Variants in CC2D2B observed in about 807,000 individuals in gnomAD.
CC2D2B encodes protein CC2D2B.
A neutral mutation model predicts 161.2 loss-of-function variants in CC2D2B; 128 were observed. The observed-to-expected ratio is 0.79, with a 90% CI of 0.69 to 0.92. CC2D2B has a LOEUF of 0.92. Ranked by LOEUF, CC2D2B falls within the 40% of genes least tolerant of loss-of-function variation. The pLI is 0.00. For synonymous variants in CC2D2B, 391 were observed against 449.8 expected (o/e 0.87, Z 1.65); for missense variants, 1,173 against 1,375.1 (o/e 0.85, Z 2.32).
chr10:95,969,026 T>C, intron 15 of CC2D2B, 125 bp downstream of exon 15: 1 of 403,044 alleles, frequency 2.5e-6, no homozygotes, highest in Non-Finnish European at 4.3e-6. Flanking sequence ...GATCTTTATG[T>C]GTAGATGATA....
intron 11 of CC2D2B, among the ~76,000 whole-genome samples, chr10:95,957,843 G>A (rs1366324719): frequency 6.7e-6 from 1 of 150,118 alleles, no homozygotes; most frequent in African/African-American, 2.5e-5. Flanking sequence ...TTACAGGTGT[G>A]AGCCACCACA....
At chr10:95,952,737 T>G (rs969634509) in intron 10 of CC2D2B, among the ~76,000 whole-genome samples, 3 of 152,134 alleles carry the variant, frequency 2.0e-5, no homozygotes, top group African/African-American at 7.2e-5. Flanking sequence ...TATATATATA[T>G]AAGTCCATAA....
rs2079083255 is a variant in CC2D2B at position 96,013,720 on chromosome 10, G to A, written c.3427-68G>A. On this transcript the variant is annotated intron_variant, in intron 28 of 34. Transcript: ENST00000646931. ...TAGATTATATGCTAAATGAGAGAGT[G>A]CATGTAAAGCATTGTGCTAAGTGAT... 13 of 820,752 alleles carry A rather than the reference G, an allele frequency of 1.6e-5. No individual in the cohort carries two copies. The South Asian group carries it at 1.8e-4, about 11-fold the overall frequency. The allele number at this position is 820,752 out of a possible 1,614,324, so 50.8% of individuals were successfully genotyped here.
chr10:95,966,056 T>C, intron 13 of CC2D2B, 58 bp downstream of exon 13: 5 of 776,732 alleles, frequency 6.4e-6, no homozygotes, highest in Non-Finnish European at 8.7e-6. Flanking sequence ...TATTTTTTGA[T>C]AGAATGTGAA....
chr10:95,976,066 T>C (rs1175674187), intron 17 of CC2D2B, among the ~76,000 whole-genome samples: 1 of 152,194 alleles, frequency 6.6e-6, no homozygotes, highest in Non-Finnish European at 1.5e-5. Context: ...CGCATTTATA[T>C]CTTTTTCTTC....
At chr10:95,993,900 ATGTGTGTGTGTGTGTG>A (rs1270650458) in intron 22 of CC2D2B, among the ~76,000 whole-genome samples, 1 of 40,078 alleles carries the variant, frequency 2.5e-5, no homozygotes, top group Non-Finnish European at 5.3e-5. Flanking sequence ...GAGAGAGAGA[ATGTGTGTGTGTGTGTG>A]TGTGTGTGTG....
chr10:95,917,925 AC>A (rs1364930561), intron 2 of CC2D2B, among the ~76,000 whole-genome samples: 1 of 152,030 alleles, frequency 6.6e-6, no homozygotes, highest in African/African-American at 2.4e-5. Flanking sequence ...ACAGACGCAC[AC>A]CACCACACCT....
At chr10:95,993,813 T>TATAG (rs1554844775) in intron 22 of CC2D2B, among the ~76,000 whole-genome samples, 14 of 138,876 alleles carry the variant, frequency 1.0e-4, no homozygotes, top group African/African-American at 3.2e-4. Context: ...AGAATATATA[T>TATAG]AGAGTGTATA....
At chr10:95,977,453 T>C (rs1041855984) in intron 17 of CC2D2B, among the ~76,000 whole-genome samples, 1 of 152,224 alleles carries the variant, frequency 6.6e-6, no homozygotes, top group Non-Finnish European at 1.5e-5. Flanking sequence ...GATCGTTGTC[T>C]AGAGTTTTCA....
intron 17 of CC2D2B, among the ~76,000 whole-genome samples, chr10:95,976,716 G>A (rs2077327679): frequency 1.3e-5 from 2 of 152,328 alleles, no homozygotes; most frequent in South Asian, 2.1e-4. Context: ...TGTAGATAAA[G>A]TAGTGAACCG....
intron 19 of CC2D2B, 112 bp downstream of exon 19, chr10:95,983,921 A>G (rs1475128713): frequency 4.2e-6 from 2 of 472,244 alleles, no homozygotes; most frequent in Admixed American, 4.4e-5. Context: ...CTGTAGACAG[A>G]TTTCCTCCCT....
chr10:96,019,355 A>G lies in CC2D2B; in HGVS notation c.3765+18A>G, dbSNP rs771688933. On this transcript the variant is annotated intron_variant, in intron 31 of 34. Coordinates refer to ENST00000646931, the MANE Select transcript of CC2D2B (RefSeq NM_001349008.3). ...ATAGAAATGTAAGTATATGGGGAAA[A>G]AAAATCTTGAGTTATCTCCTCTAGA... The G allele has an allele frequency of 1.9e-6, 3 of 1,596,844 alleles. No homozygotes were observed. Among genetic ancestry groups the G allele is most frequent in the Middle Eastern group, 1.7e-4 (1 of 5,946 alleles).
chr10:95,919,865 C>G (rs2098523310), intron 2 of CC2D2B: 1 of 151,720 alleles, frequency 6.6e-6, no homozygotes, highest in African/African-American at 2.4e-5. Flanking sequence ...AACTGGCACC[C>G]AGGTTGTAAA....
chr10:95,981,348 G>A lies in CC2D2B; in HGVS notation c.1944-627G>A, dbSNP rs1226163866. Among the ~76,000 whole-genome samples the A allele has an allele frequency of 3.5e-5, 5 of 141,858 alleles. No homozygotes were observed. The South Asian group carries it at 6.6e-4, about 19-fold the overall frequency. 93.1% of individuals were successfully genotyped at this position (141,858 alleles called of 152,430 possible). A position where few individuals can be genotyped will look rare whatever the true frequency, so the allele number is the denominator to read the frequency against. On this transcript the variant is annotated intron_variant, in intron 17 of 34. Transcript: ENST00000646931. ...GCAGAGGTTGCAGTGAGCCGGGATC[G>A]CGCCACCGCACTCCAGCCTGGCAAC...
chr10:96,014,042 T>C (rs1230628524), intron 29 of CC2D2B, among the ~76,000 whole-genome samples, 165 bp downstream of exon 29: 1 of 152,228 alleles, frequency 6.6e-6, no homozygotes, highest in Non-Finnish European at 1.5e-5. Context: ...ATGGAAATAA[T>C]TCATGAATAC....
At position 96,012,072 on chromosome 10, in the gene CC2D2B, G is replaced by A. The variant is rs965955946; in HGVS notation, c.3046-113G>A. Reference sequence around the variant, plus strand: ...GGCAAGTGCAAATGAGTAGAAGCCCGTTCACGCAAGCAAGCAAGCTTTCTG... The same window carrying A: ...GGCAAGTGCAAATGAGTAGAAGCCCATTCACGCAAGCAAGCAAGCTTTCTG... On this transcript the variant is annotated intron_variant, in intron 26 of 34. Transcript: ENST00000646931. The A allele has an allele frequency of 2.1e-5, 11 of 530,766 alleles. No individual in the cohort carries two copies. The Admixed American group carries it at 2.6e-4, about 13-fold the overall frequency. The allele number at this position is 530,766 out of a possible 1,614,324, so 32.9% of individuals were successfully genotyped here.
At chr10:96,006,541 G>A (rs1226941860) in intron 25 of CC2D2B, among the ~76,000 whole-genome samples, 1 of 151,954 alleles carries the variant, frequency 6.6e-6, no homozygotes, top group Non-Finnish European at 1.5e-5. Context: ...TTTAGTCCAT[G>A]GTTCATTTAG....
At chr10:95,991,773 T>C (rs984963751) in intron 21 of CC2D2B, among the ~76,000 whole-genome samples, 1 of 152,196 alleles carries the variant, frequency 6.6e-6, no homozygotes, top group Admixed American at 6.5e-5. Flanking sequence ...TAAGATTTCC[T>C]GTCCTGAGAC....
intron 24 of CC2D2B, among the ~76,000 whole-genome samples, chr10:96,000,629 G>T (rs1220634556): frequency 6.6e-6 from 1 of 152,126 alleles, no homozygotes; most frequent in Non-Finnish European, 1.5e-5. Flanking sequence ...CTCCCAAAGT[G>T]CTGGGATTAC....
Sources: allele counts gnomAD v4.1 joint callset (sites outside exome capture counted in the v4.1 genomes callset), GRCh38; gene constraint gnomAD v4.1.1; transcripts MANE v1.5; gene names NCBI Gene and HGNC (gene_info 2026-07-23, HGNC 2026-07-21).